RAPGEF4: variants seen among roughly 807,000 people sequenced by gnomAD.
RAPGEF4 encodes RAP guanine-nucleotide-exchange factor (GEF) 4.
Under a neutral mutation model 147.9 loss-of-function variants are expected in RAPGEF4, and 66 were observed. The ratio of observed to expected loss-of-function variants is 0.45; its 90% confidence interval spans 0.37 to 0.55. The LOEUF (loss-of-function observed/expected upper bound fraction) is 0.55, where lower values mean the gene tolerates loss of function less well. RAPGEF4 is among the 20% of genes least tolerant of loss of function. The probability of loss-of-function intolerance (pLI) is 0.00; values close to 1 mark genes in which losing one functional copy is unlikely to be tolerated. For missense variants in RAPGEF4, 1,071 were observed against 1,257.3 expected (o/e 0.85, Z 2.24); for synonymous variants, 419 against 442.7 (o/e 0.95, Z 0.67).
chr2:173,003,132 CT>C (rs369905026), intron 17 of RAPGEF4, among the ~76,000 whole-genome samples: 18 of 148,024 alleles, frequency 1.2e-4, no homozygotes, highest in Middle Eastern at 6.9e-3. Context: ...CTGCGCTTGT[CT>C]TTTTTTTTTT....
At chr2:172,898,287 G>A (rs1698726382) in intron 4 of RAPGEF4, among the ~76,000 whole-genome samples, 1 of 152,188 alleles carries the variant, frequency 6.6e-6, no homozygotes, top group African/African-American at 2.4e-5. Context: ...AGTGGGAACA[G>A]AAGAGTTGAG....
At chr2:173,022,207 T>C (rs2105926883) in intron 23 of RAPGEF4, among the ~76,000 whole-genome samples, 1 of 152,314 alleles carries the variant, frequency 6.6e-6, no homozygotes, top group African/African-American at 2.4e-5. Context: ...CCAAATGACA[T>C]GGCGCAGACA....
intron 4 of RAPGEF4, among the ~76,000 whole-genome samples, chr2:172,911,159 T>A (rs747892031): frequency 9.9e-5 from 15 of 152,116 alleles, no homozygotes; most frequent in Non-Finnish European, 1.6e-4. Context: ...CTAAATCAGA[T>A]CTGGATGTGG....
chr2:172,773,181 G>T (rs1435371251), intron 1 of RAPGEF4, among the ~76,000 whole-genome samples: 2 of 152,066 alleles, frequency 1.3e-5, no homozygotes, highest in Non-Finnish European at 2.9e-5. Context: ...TGGATAATAT[G>T]ATTTATTATT....
intron 3 of RAPGEF4, among the ~76,000 whole-genome samples, chr2:172,812,545 G>A (rs1688123984): frequency 6.6e-6 from 1 of 152,160 alleles, no homozygotes; most frequent in Non-Finnish European, 1.5e-5. Flanking sequence ...GTACTGTTTG[G>A]TGACAAACTA....
In RAPGEF4 at chr2:173,017,181, G is replaced by T. The variant is rs925262925; in HGVS notation, c.1906G>T (p.Asp636Tyr). The T allele has an allele frequency of 1.2e-6, 2 of 1,613,582 alleles. No homozygotes were observed. The highest frequency in any genetic ancestry group is 1.7e-6 in the Non-Finnish European group (2 of 1,179,480). The change falls in exon 20 of 31, where the codon GAT becomes TAT. Residue 636 changes from aspartate to tyrosine, a missense_variant. Physicochemically the swap from Asp to Tyr is radical, Grantham distance 160. Transcript: ENST00000397081. Reference protein sequence around the residue: ...LEKIVKQISEDAKAPQKKHKV... With the variant: ...LEKIVKQISEYAKAPQKKHKV... The stretch of plus-strand genomic sequence containing the variant: ...TTTCTCTACTTCTCGTAGCTCAGAA[G>T]ATGCAAAGGCACCACAAAAGAAGGT...
intron 3 of RAPGEF4, among the ~76,000 whole-genome samples, chr2:172,802,628 T>A (rs1441377763): frequency 2.6e-5 from 4 of 152,222 alleles, no homozygotes. Flanking sequence ...CCAAATCTCA[T>A]GTCCTCACAT....
Position 172,750,842 on chromosome 2 carries a change from T to G in RAPGEF4, c.65+14794T>G, listed in dbSNP as rs556926321. 2.6e-5 allele frequency among the ~76,000 whole-genome samples: 4 copies of G among 152,346 alleles called. No homozygotes were observed. In the East Asian group the frequency reaches 7.7e-4, roughly 29 times the overall value. On this transcript the variant is annotated intron_variant, in intron 1 of 30. Coordinates refer to ENST00000397081, the MANE Select transcript of RAPGEF4 (RefSeq NM_007023.4). Reference sequence around the variant, plus strand: ...TGTTAAAAAAGTCAGATTACTTGTTTTTTTGGTATCAAATTATATAGGTTC... The same window carrying G: ...TGTTAAAAAAGTCAGATTACTTGTTGTTTTGGTATCAAATTATATAGGTTC...
chr2:172,899,473 G>A (rs532530993), intron 4 of RAPGEF4, among the ~76,000 whole-genome samples: 1 of 152,270 alleles, frequency 6.6e-6, no homozygotes, highest in South Asian at 2.1e-4. Flanking sequence ...TTGGATATAC[G>A]GTGTCCTTGG....
chr2:172,830,437 GC>G (rs1293286311), intron 4 of RAPGEF4, among the ~76,000 whole-genome samples: 1 of 152,172 alleles, frequency 6.6e-6, no homozygotes, highest in African/African-American at 2.4e-5. Flanking sequence ...TTGAGCTACC[GC>G]AGGAGTTTTT....
intron 1 of RAPGEF4, among the ~76,000 whole-genome samples, chr2:172,778,545 C>A (rs116589799): frequency 0.041 from 6,270 of 152,070 alleles, 163 homozygotes; most frequent in South Asian, 0.13. Context: ...GAATAATAAA[C>A]CTTGTAGTTG....
At chr2:172,824,235 G>T (rs1440864363) in intron 4 of RAPGEF4, among the ~76,000 whole-genome samples, 3 of 152,186 alleles carry the variant, frequency 2.0e-5, no homozygotes, top group Non-Finnish European at 4.4e-5. Context: ...CTTTTTAAAA[G>T]ATTTCCATGC....
chr2:173,001,248 G>A lies in RAPGEF4; in HGVS notation c.1580-18G>A. ...CCACAAGAACCTAATTTCCTTTTCT[G>A]TTTTTTTCCCCTTCCAGATTCTGTT... On this transcript the variant is annotated intron_variant, in intron 16 of 30. Transcript: ENST00000397081. 6.2e-7 allele frequency: 1 copy of A among 1,612,532 alleles called. No individual in the cohort carries two copies. The highest frequency in any genetic ancestry group is 1.3e-5 in the African/African-American group (1 of 74,834).
chr2:172,765,088 C>A (rs985221476), intron 1 of RAPGEF4, among the ~76,000 whole-genome samples: 3 of 152,194 alleles, frequency 2.0e-5, no homozygotes, highest in African/African-American at 4.8e-5. Flanking sequence ...CTCTTCCTAG[C>A]CTCTGATGGT....
intron 4 of RAPGEF4, among the ~76,000 whole-genome samples, chr2:172,833,298 A>G (rs1690577995): frequency 6.8e-6 from 1 of 146,166 alleles, no homozygotes; most frequent in Non-Finnish European, 1.5e-5. Context: ...CCTAAACAAT[A>G]TGATATGGTA....
intron 25 of RAPGEF4, among the ~76,000 whole-genome samples, 156 bp from the exon 26 acceptor site, chr2:173,030,008 C>A (rs1186896749): frequency 6.6e-6 from 1 of 152,182 alleles, no homozygotes; most frequent in Non-Finnish European, 1.5e-5. Context: ...ACATGGTCAC[C>A]CAAGTGGAAC....
At chr2:172,856,722 G>T (rs1693454610) in intron 4 of RAPGEF4, among the ~76,000 whole-genome samples, 1 of 152,090 alleles carries the variant, frequency 6.6e-6, no homozygotes, top group Non-Finnish European at 1.5e-5. Context: ...TCAGAGATTT[G>T]GTCAGATCTC....
At chr2:172,788,306 A>C (rs2149527791) in intron 1 of RAPGEF4, among the ~76,000 whole-genome samples, 1 of 152,312 alleles carries the variant, frequency 6.6e-6, no homozygotes, top group African/African-American at 2.4e-5. Flanking sequence ...ATGAAATAAT[A>C]AATAATGGGG....
At chr2:172,903,368 CAAA>C (rs10712221) in intron 4 of RAPGEF4, among the ~76,000 whole-genome samples, 6 of 82,666 alleles carry the variant, frequency 7.3e-5, no homozygotes, top group African/African-American at 1.1e-4. Context: ...GACTCCATCT[CAAA>C]AAAAAAAAAA....
Sources: gnomAD v4.1 joint callset for allele counts (sites outside exome capture counted in the v4.1 genomes callset) on GRCh38, gnomAD v4.1.1 for gene constraint, MANE v1.5 for transcripts, NCBI Gene and HGNC (gene_info 2026-07-23, HGNC 2026-07-21) for gene names.